Variants in RNLS observed in about 807,000 individuals in gnomAD.
RNLS encodes the protein renalase.
In RNLS, 39 loss-of-function variants were observed where a neutral mutation model predicts 39.8. That is an observed-to-expected ratio of 0.98 (90% CI 0.76 to 1.28). RNLS has a LOEUF of 1.28. RNLS is among the 50% of genes most tolerant of loss of function. RNLS has a pLI of 0.00. For synonymous variants in RNLS, 147 were observed against 150.7 expected (o/e 0.98, Z 0.18); for missense variants, 410 against 413.3 (o/e 0.99, Z 0.07).
chr10:88,241,779 T>G, the RNLS span, among the ~76,000 whole-genome samples: 5 of 152,312 alleles, frequency 3.3e-5, no homozygotes, highest in African/African-American at 1.2e-4. Context: ...TCCGGCAATA[T>G]CAGATTCCTT....
At chr10:88,251,631 A>G in the RNLS span, among the ~76,000 whole-genome samples, 2 of 152,234 alleles carry the variant, frequency 1.3e-5, no homozygotes, top group East Asian at 3.8e-4. Flanking sequence ...AATGGACAAA[A>G]GTCTGCAATT....
At chr10:88,350,318 A>T (rs792226) in intron 5 of RNLS, among the ~76,000 whole-genome samples, 1 of 151,864 alleles carries the variant, frequency 6.6e-6, no homozygotes, top group Non-Finnish European at 1.5e-5. Context: ...TGCCATGTTG[A>T]TGTGCTGCAT....
intron 4 of RNLS, among the ~76,000 whole-genome samples, chr10:88,485,426 T>C (rs1363150888): frequency 6.6e-6 from 1 of 151,866 alleles, no homozygotes; most frequent in African/African-American, 2.4e-5. Context: ...CTTTGAGCCA[T>C]ACCTGACACT....
chr10:88,297,454 C>T (rs1180172879), intron 6 of RNLS, among the ~76,000 whole-genome samples: 1 of 152,102 alleles, frequency 6.6e-6, no homozygotes, highest in Non-Finnish European at 1.5e-5. Flanking sequence ...TGCTCAGTTG[C>T]CATTCACATC....
At chr10:88,421,457 T>C (rs1328722195) in intron 4 of RNLS, among the ~76,000 whole-genome samples, 1 of 152,170 alleles carries the variant, frequency 6.6e-6, no homozygotes, top group African/African-American at 2.4e-5. Context: ...CCTCATGCAG[T>C]CACTCTGTAG....
downstream of RNLS, among the ~76,000 whole-genome samples, chr10:88,281,032 C>T (rs189499487): frequency 1.8e-3 from 280 of 152,274 alleles, 1 homozygote; most frequent in Non-Finnish European, 3.1e-3. Flanking sequence ...GAGAAGGAAA[C>T]GTGAGTCATA....
At chr10:88,418,098 T>A (rs193091335) in intron 4 of RNLS, among the ~76,000 whole-genome samples, 10,316 of 121,420 alleles carry the variant, frequency 0.085, 504 homozygotes, top group Admixed American at 0.17. Flanking sequence ...TTTTTTTTTT[T>A]AAATTCCTAG....
intron 5 of RNLS, among the ~76,000 whole-genome samples, chr10:88,331,473 A>T (rs1847103203): frequency 6.6e-6 from 1 of 152,238 alleles, no homozygotes; most frequent in Non-Finnish European, 1.5e-5. Context: ...TTGCCATGAG[A>T]CACAGTATTA....
the RNLS span, among the ~76,000 whole-genome samples, chr10:88,243,807 A>G: frequency 1.3e-5 from 2 of 152,214 alleles, no homozygotes; most frequent in Non-Finnish European, 2.9e-5. Context: ...CTCCACCTGA[A>G]CTACTCAGTA....
chr10:88,283,266 A>G (rs919758018), downstream of RNLS, among the ~76,000 whole-genome samples: 1 of 152,184 alleles, frequency 6.6e-6, no homozygotes, highest in Non-Finnish European at 1.5e-5. Context: ...CAAAGTAACA[A>G]TGATCTACAT....
intron 4 of RNLS, among the ~76,000 whole-genome samples, chr10:88,416,215 C>G (rs1289215404): frequency 2.0e-5 from 3 of 149,154 alleles, no homozygotes; most frequent in South Asian, 2.1e-4. Context: ...AAAAATATAT[C>G]TGAATTATAT....
intron 6 of RNLS, among the ~76,000 whole-genome samples, chr10:88,276,017 A>G (rs914067552): frequency 1.1e-4 from 17 of 152,244 alleles, no homozygotes; most frequent in East Asian, 1.9e-4. Flanking sequence ...TCAGGCCACT[A>G]TACTCCAGCT....
rs80165911 is a variant in RNLS at position 88,499,357 on chromosome 10, T to C, written c.526+73546A>G. On this transcript the variant is annotated intron_variant, in intron 4 of 6. Transcript: ENST00000331772. ...TTAAAGCAGAATTTCTCAGTTCCAG[T>C]GAGTCTCAAAATTTAGTGAAAATGG... 4.5e-3 allele frequency among the ~76,000 whole-genome samples: 678 copies of C among 152,264 alleles called. 5 individuals are homozygous for C. Among genetic ancestry groups the C allele is most frequent in the African/African-American group, 0.015 (613 of 41,558 alleles).
intron 3 of RNLS, 128 bp from the exon 4 acceptor site, chr10:88,573,189 A>G (rs1260495074): frequency 1.3e-6 from 1 of 775,216 alleles, no homozygotes; most frequent in Admixed American, 2.6e-5. Context: ...ACTGTCCTCC[A>G]GCTCTCTTCC....
chr10:88,494,955 C>G (rs1281712532), intron 4 of RNLS, among the ~76,000 whole-genome samples: 2 of 152,106 alleles, frequency 1.3e-5, no homozygotes, highest in African/African-American at 4.8e-5. Context: ...CTTCCTATGT[C>G]TGAAAAAGTC....
intron 4 of RNLS, among the ~76,000 whole-genome samples, chr10:88,418,276 T>TC (rs1167829458): frequency 6.6e-6 from 1 of 152,160 alleles, no homozygotes; most frequent in Non-Finnish European, 1.5e-5. Context: ...AACTTGGAGT[T>TC]AAAGTTCAGG....
chr10:88,353,176 A>T (rs1848862697), intron 5 of RNLS, among the ~76,000 whole-genome samples: 1 of 152,186 alleles, frequency 6.6e-6, no homozygotes, highest in African/African-American at 2.4e-5. Context: ...GATTTTTTGA[A>T]GGGTTTTAAT....
the RNLS span, among the ~76,000 whole-genome samples, chr10:88,193,935 A>G: frequency 2.0e-5 from 3 of 152,154 alleles, no homozygotes; most frequent in East Asian, 3.8e-4. Context: ...ATTAAGAGCT[A>G]TTTATTTCGC....
At chr10:88,223,136 A>T in the RNLS span, among the ~76,000 whole-genome samples, 1 of 152,238 alleles carries the variant, frequency 6.6e-6, no homozygotes, top group Admixed American at 6.5e-5. Flanking sequence ...GCCTGGGCTG[A>T]GACTTTCAGT....
Sources: allele counts gnomAD v4.1 joint callset (sites outside exome capture counted in the v4.1 genomes callset), GRCh38; gene constraint gnomAD v4.1.1; transcripts MANE v1.5; gene names NCBI Gene and HGNC (gene_info 2026-07-23, HGNC 2026-07-21).